The following RYR3 variants were observed in gnomAD, a reference collection of about 807,000 sequenced individuals.
The protein encoded by RYR3 is brain ryanodine receptor-calcium release channel.
In RYR3, 207 loss-of-function variants were observed where a neutral mutation model predicts 584.3. The observed-to-expected ratio is 0.35, with a 90% CI of 0.32 to 0.40. The LOEUF is 0.40. Ranked by LOEUF, RYR3 falls within the 10% of genes least tolerant of loss-of-function variation. The pLI, the probability that RYR3 is intolerant of heterozygous loss-of-function variation, is 1.00. For synonymous variants in RYR3, 2,416 were observed against 2,248.5 expected, an observed-to-expected ratio of 1.07 and a Z score of -2.11; for missense variants, 5,616 against 6,089.2, an observed-to-expected ratio of 0.92 and a Z score of 2.59.
intron 1 of RYR3, among the ~76,000 whole-genome samples, chr15:33,424,334 T>G (rs950393557): frequency 6.6e-6 from 1 of 152,218 alleles, no homozygotes; most frequent in African/African-American, 2.4e-5. Flanking sequence ...GCTTGGCACA[T>G]AGACAAATGG....
At chr15:33,830,294 C>G (rs1244644321) in intron 85 of RYR3, among the ~76,000 whole-genome samples, 7 of 152,216 alleles carry the variant, frequency 4.6e-5, no homozygotes, top group Admixed American at 4.6e-4. Flanking sequence ...CAGTAGCCAT[C>G]AACATCAAGG....
rs1389157563 is a variant in RYR3 at position 33,707,033 on chromosome 15, A to G, written c.6598A>G (p.Arg2200Gly). The G allele has an allele frequency of 6.2e-7, 1 of 1,613,898 alleles. No homozygotes were observed. Among genetic ancestry groups the G allele is most frequent in the Non-Finnish European group, 8.5e-7 (1 of 1,179,856 alleles). ...AGGGGAACGCTACCTGTCCTTCCTG[A>G]GGTTTGCTGTCTTCGTGAACAGTGA... ...IEGERYLSFL[R>G]FAVFVNSESV... Residue 2200 changes from arginine to glycine, a missense_variant, in exon 43 of 104, where the codon AGG becomes GGG. Arg to Gly is a moderately radical substitution (Grantham distance 125). Around this residue, in one of 9 missense-constraint regions of RYR3, gnomAD observed 1,280 missense variants for 1,426.2 expected, o/e 0.90. Coordinates refer to ENST00000634891, the MANE Select transcript of RYR3 (RefSeq NM_001036.6).
chr15:33,672,643 C>T (rs2063916296), intron 38 of RYR3, among the ~76,000 whole-genome samples: 1 of 152,128 alleles, frequency 6.6e-6, no homozygotes, highest in Admixed American at 6.5e-5. Flanking sequence ...CAGATGGAGA[C>T]AAGGTTGCTG....
chr15:33,730,397 A>G (rs756182594), intron 47 of RYR3, among the ~76,000 whole-genome samples: 129 of 152,242 alleles, frequency 8.5e-4, no homozygotes, highest in Non-Finnish European at 6.3e-4. Flanking sequence ...TTGAAAACTT[A>G]TAATCTACTG....
chr15:33,751,171 T>C (rs2071263142), intron 57 of RYR3, among the ~76,000 whole-genome samples: 1 of 152,202 alleles, frequency 6.6e-6, no homozygotes, highest in Non-Finnish European at 1.5e-5. Context: ...TCTTTGCTAT[T>C]GTGAACAGTG....
At chr15:33,781,543 G>A (rs931868800) in intron 65 of RYR3, among the ~76,000 whole-genome samples, 23 of 152,102 alleles carry the variant, frequency 1.5e-4, no homozygotes, top group Admixed American at 1.3e-3. Flanking sequence ...TGCCACTGCT[G>A]TTTTTTTCAT....
intron 60 of RYR3, among the ~76,000 whole-genome samples, chr15:33,765,852 G>A (rs1015065708): frequency 2.6e-5 from 4 of 152,098 alleles, no homozygotes; most frequent in African/African-American, 9.7e-5. Flanking sequence ...AAAAATCTCT[G>A]TGAAACATCA....
chr15:33,315,505 C>T (rs556284609), intron 1 of RYR3, among the ~76,000 whole-genome samples: 23 of 152,292 alleles, frequency 1.5e-4, no homozygotes, highest in African/African-American at 5.3e-4. Flanking sequence ...AGCTCTCCTG[C>T]TGAGTTATGT....
chr15:33,801,161 G>C (rs546447931), intron 68 of RYR3, among the ~76,000 whole-genome samples: 6 of 152,210 alleles, frequency 3.9e-5, no homozygotes, highest in Non-Finnish European at 7.3e-5. Flanking sequence ...GGGGTAGGTA[G>C]TGGGCGTCCA....
intron 1 of RYR3, among the ~76,000 whole-genome samples, chr15:33,378,109 T>C (rs1251125757): frequency 1.3e-5 from 2 of 152,200 alleles, no homozygotes; most frequent in Non-Finnish European, 2.9e-5. Context: ...GAATACAGTA[T>C]ATATATGGTC....
At chr15:33,349,444 A>T (rs762805548) in intron 1 of RYR3, among the ~76,000 whole-genome samples, 2 of 152,066 alleles carry the variant, frequency 1.3e-5, no homozygotes, top group Non-Finnish European at 2.9e-5. Flanking sequence ...AGCATTTAAT[A>T]TGTCAGTTTT....
At chr15:33,490,242 A>G (rs1308583229) in intron 2 of RYR3, among the ~76,000 whole-genome samples, 1 of 152,206 alleles carries the variant, frequency 6.6e-6, no homozygotes, top group African/African-American at 2.4e-5. Flanking sequence ...AAGCTTTTAG[A>G]GGATGAGAAC....
At chr15:33,748,345 G>A in intron 54 of RYR3, 85 bp downstream of exon 54, 1 of 1,553,758 alleles carries the variant, frequency 6.4e-7, no homozygotes, top group South Asian at 1.1e-5. Context: ...CATCGTAGGT[G>A]GGACCATCTA....
At position 33,847,568 on chromosome 15, in the gene RYR3, T is replaced by C. The variant is rs540608360; in HGVS notation, c.13498-723T>C. 2.6e-4 allele frequency: 40 copies of C among 152,456 alleles called. 2 individuals carry two copies. Among genetic ancestry groups the C allele is most frequent in the Middle Eastern group, 3.4e-3 (1 of 294 alleles). The allele number at this position is 152,456 out of a possible 1,614,324, so 9.4% of individuals were successfully genotyped here. A position where few individuals can be genotyped will look rare whatever the true frequency, so the allele number is the denominator to read the frequency against. On this transcript the variant is annotated intron_variant, in intron 93 of 103. Transcript: ENST00000634891. ...TCCCATGTTTGGAGTGTGTGTGCACTTAGTGATGGTTGGGGCAAGTGGATT... is the reference window on the plus strand; with the variant it reads ...TCCCATGTTTGGAGTGTGTGTGCACCTAGTGATGGTTGGGGCAAGTGGATT...
At chr15:33,337,786 T>C (rs1971300597) in intron 1 of RYR3, among the ~76,000 whole-genome samples, 1 of 152,146 alleles carries the variant, frequency 6.6e-6, no homozygotes, top group Admixed American at 6.5e-5. Context: ...CATCCACATG[T>C]GCATCAGGTA....
At chr15:33,653,360 C>T (rs2062608438) in intron 32 of RYR3, among the ~76,000 whole-genome samples, 1 of 152,116 alleles carries the variant, frequency 6.6e-6, no homozygotes, top group Admixed American at 6.5e-5. Flanking sequence ...CTATGACTAC[C>T]TCATAAGATG....
chr15:33,394,000 T>A (rs893820473), intron 1 of RYR3, among the ~76,000 whole-genome samples: 14 of 152,340 alleles, frequency 9.2e-5, no homozygotes, highest in South Asian at 2.1e-4. Context: ...AATTTTCCTA[T>A]GGTCATCCAC....
chr15:33,701,156 C>T lies in RYR3; in HGVS notation c.6483+76C>T, dbSNP rs375250170. The T allele has an allele frequency of 9.5e-5, 85 of 892,764 alleles. No individual in the cohort carries two copies. In the East Asian group the frequency reaches 1.7e-3, roughly 18 times the overall value. The allele number at this position is 892,764 out of a possible 1,614,324, so 55.3% of individuals were successfully genotyped here. ...AGCTAAGCTAAGGATAAGCAGACCACGGATGGAGTCTCTGTCACTGTATCG... is the reference window on the plus strand; with the variant it reads ...AGCTAAGCTAAGGATAAGCAGACCATGGATGGAGTCTCTGTCACTGTATCG... On this transcript the variant is annotated intron_variant, in intron 42 of 103. Transcript: ENST00000634891.
intron 2 of RYR3, among the ~76,000 whole-genome samples, chr15:33,486,502 T>C (rs2050437056): frequency 6.6e-6 from 1 of 152,186 alleles, no homozygotes; most frequent in South Asian, 2.1e-4. Context: ...GATAAGGTCA[T>C]ATTCACAGGT....
Sources: allele counts gnomAD v4.1 joint callset (sites outside exome capture counted in the v4.1 genomes callset), GRCh38; gene constraint gnomAD v4.1.1; regional missense constraint gnomAD v4.1.1; transcripts MANE v1.5; gene names NCBI Gene and HGNC (gene_info 2026-07-23, HGNC 2026-07-21).